The following NSD2 variants were observed in gnomAD, a reference collection of about 807,000 sequenced individuals.
NSD2 encodes nuclear receptor binding SET domain protein 2.
A neutral mutation model predicts 139.0 loss-of-function variants in NSD2; 12 were observed. The ratio of observed to expected loss-of-function variants is 0.09; its 90% CI spans 0.06 to 0.14. The LOEUF (loss-of-function observed/expected upper bound fraction) is 0.14. Ranked by LOEUF, NSD2 falls within the 10% of genes least tolerant of loss-of-function variation. The pLI is 1.00. For synonymous variants in NSD2, 669 were observed against 648.7 expected (o/e 1.03, Z -0.48); for missense variants, 1,155 against 1,745.0 (o/e 0.66, Z 6.02).
chr4:1,917,908 GT>G (rs1325457626), intron 4 of NSD2, among the ~76,000 whole-genome samples: 1 of 150,458 alleles, frequency 6.6e-6, no homozygotes, highest in Non-Finnish European at 1.5e-5. Context: ...AGCCTCCCTA[GT>G]AGCTGGGACC....
At chr4:1,944,078 C>T (rs1723376422) in intron 9 of NSD2, 3 of 1,066,166 alleles carry the variant, frequency 2.8e-6, no homozygotes, top group Non-Finnish European at 3.4e-6. Context: ...GATAGTGTAT[C>T]TCAGCGGGGG....
At chr4:1,921,391 G>A (rs971456855) in intron 5 of NSD2, among the ~76,000 whole-genome samples, 1 of 152,172 alleles carries the variant, frequency 6.6e-6, no homozygotes, top group African/African-American at 2.4e-5. Context: ...CCCAAGAGGT[G>A]GAGGTTGCAG....
intron 18 of NSD2, among the ~76,000 whole-genome samples, chr4:1,971,801 A>G (rs955609949): frequency 6.6e-6 from 1 of 152,218 alleles, no homozygotes; most frequent in Admixed American, 6.5e-5. Context: ...GTAAAGGAGG[A>G]AAACAAATCC....
chr4:1,893,245 A>G (rs977944230), intron 1 of NSD2, among the ~76,000 whole-genome samples: 8 of 152,182 alleles, frequency 5.3e-5, no homozygotes, highest in South Asian at 2.1e-4. Flanking sequence ...AGACGGGTAG[A>G]TCACCTGAGG....
At chr4:1,978,536 G>A (rs1370228638) in intron 21 of NSD2, 102 bp from the exon 22 acceptor site, 3 of 1,483,744 alleles carry the variant, frequency 2.0e-6, no homozygotes, top group African/African-American at 1.4e-5. Context: ...GCACTATTTT[G>A]TGTTCATTTG....
At chr4:1,975,194 A>G in intron 19 of NSD2, 100 bp from the exon 20 acceptor site, 1 of 1,424,716 alleles carries the variant, frequency 7.0e-7, no homozygotes, top group Non-Finnish European at 9.8e-7. Flanking sequence ...TACAGATACA[A>G]AAATAATAAG....
At chr4:1,895,070 A>G (rs1716079419) in intron 1 of NSD2, among the ~76,000 whole-genome samples, 7 of 152,186 alleles carry the variant, frequency 4.6e-5, no homozygotes, top group Admixed American at 6.5e-5. Context: ...TTCACTTAGC[A>G]TAGTTTCTTC....
rs941259038 is a variant in NSD2, at chr4:1,956,405, T to C, written c.2881+217T>C. ...TAACATTGGTTTGTGATTAATTTCA[T>C]TAAAATTCTGTAAACCTATTATTCA... On this transcript the variant is annotated intron_variant, in intron 15 of 21. Coordinates refer to ENST00000508803, the MANE Select transcript of NSD2 (RefSeq NM_001042424.3). This position sits in a 1 kb window ranked among gnomAD's most constrained non-coding sequence, Gnocchi z 5.3. Among the ~76,000 whole-genome samples the C allele has an allele frequency of 3.2e-4, 48 of 152,254 alleles. No individual in the cohort carries two copies. Among genetic ancestry groups the C allele is most frequent in the African/African-American group, 1.1e-3 (46 of 41,466 alleles).
In NSD2 at chr4:1,980,035, GA is replaced by G. The variant is rs1333677454; in HGVS notation, c.*1127del. The G allele has an allele frequency of 8.6e-6, 2 of 232,966 alleles. No homozygotes were observed. Among genetic ancestry groups the G allele is most frequent in the Non-Finnish European group, 1.7e-5 (2 of 117,928 alleles). 14.4% of individuals were successfully genotyped at this position (232,966 alleles called of 1,614,324 possible). On this transcript the variant is annotated 3_prime_UTR_variant, in exon 22 of 22. Transcript: ENST00000508803. ...GCACTCTGTGGGTCTGGTGATGGAA[GA>G]TGCAGTCTCTGCTGATCACATGTGC...
At position 1,976,390 on chromosome 4, in the gene NSD2, C is replaced by A; in HGVS notation, c.3622-85C>A. 1 of 1,452,718 alleles carries A rather than the reference C, an allele frequency of 6.9e-7. No individual in the cohort carries two copies. The highest frequency in any genetic ancestry group is 9.4e-7 in the Non-Finnish European group (1 of 1,063,538). The allele number at this position is 1,452,718 out of a possible 1,614,324, so 90.0% of individuals were successfully genotyped here. A position where few individuals can be genotyped will look rare whatever the true frequency, so the allele number is the denominator to read the frequency against. On this transcript the variant is annotated intron_variant, in intron 20 of 21. Coordinates refer to ENST00000508803, the MANE Select transcript of NSD2 (RefSeq NM_001042424.3). This position sits in a 1 kb window ranked among gnomAD's most constrained non-coding sequence, Gnocchi z 5.3. The stretch of plus-strand genomic sequence containing the variant: ...GGCACCTGCAGAGATCTCTGAAGTT[C>A]CTGGAGTGTAGCTCGCTCTTCTGCC...
chr4:1,955,118 A>C lies in NSD2; in HGVS notation c.2339-43A>C. The C allele has an allele frequency of 6.4e-7, 1 of 1,559,492 alleles. No homozygotes were observed. Among genetic ancestry groups the C allele is most frequent in the Non-Finnish European group, 8.8e-7 (1 of 1,140,210 alleles). On this transcript the variant is annotated intron_variant, in intron 12 of 21. Transcript: ENST00000508803. This position sits in a 1 kb window ranked among gnomAD's most constrained non-coding sequence, Gnocchi z 4.7. Reference sequence around the variant, plus strand: ...TAGTTGCTCTTTTCACTATGACTGGAGTCAGTGTTTGGGGTCCTTAGGGTG... The same window carrying C: ...TAGTTGCTCTTTTCACTATGACTGGCGTCAGTGTTTGGGGTCCTTAGGGTG...
intron 1 of NSD2, among the ~76,000 whole-genome samples, chr4:1,872,116 A>C (rs1713827790): frequency 6.6e-6 from 1 of 151,100 alleles, no homozygotes. Flanking sequence ...TGGCGTTGAC[A>C]CTCGCGGCGC....
Position 1,979,384 on chromosome 4 carries a change from T to C in NSD2, c.*475T>C, listed in dbSNP as rs1002971390. The C allele has an allele frequency of 3.4e-5, 8 of 235,658 alleles. No individual in the cohort carries two copies. Among genetic ancestry groups the C allele is most frequent in the African/African-American group, 1.8e-4 (8 of 45,442 alleles). The allele number at this position is 235,658 out of a possible 1,614,324, so 14.6% of individuals were successfully genotyped here. A position where few individuals can be genotyped will look rare whatever the true frequency, so the allele number is the denominator to read the frequency against. On this transcript the variant is annotated 3_prime_UTR_variant, in exon 22 of 22. Transcript: ENST00000508803. ...GGCCCGTGTGAGGACTGACCCTGGA[T>C]TCCTCGAAACTGCCATTGTGATCAT...
chr4:1,930,783 T>C lies in NSD2; in HGVS notation c.1555+13T>C. 6.2e-7 allele frequency: 1 copy of C among 1,610,770 alleles called. No individual in the cohort carries two copies. Among genetic ancestry groups the C allele is most frequent in the East Asian group, 2.2e-5 (1 of 44,774 alleles). On this transcript the variant is annotated intron_variant, in intron 6 of 21. Transcript: ENST00000508803. Reference sequence around the variant, plus strand: ...GAAGAAGACTCTGGTAAACATAGCATTATGCTGATGTCCTCTGCTTGGGTT... The same window carrying C: ...GAAGAAGACTCTGGTAAACATAGCACTATGCTGATGTCCTCTGCTTGGGTT...
chr4:1,908,580 G>A lies in NSD2; in HGVS notation c.760+4202G>A, dbSNP rs186772846. ...AATCTTAAAAGAAAAGGGGTCAAAG[G>A]AAGTGAGCAGAACAAAGAGAAGTGA... is the stretch of plus-strand genomic sequence containing the variant. On this transcript the variant is annotated intron_variant, in intron 3 of 21. Transcript: ENST00000508803. Among the ~76,000 whole-genome samples, 9 of 152,304 alleles carry A rather than the reference G, an allele frequency of 5.9e-5. No individual in the cohort carries two copies. In the East Asian group the frequency reaches 1.5e-3, roughly 26 times the overall value.
Position 1,917,441 on chromosome 4 carries a change from T to A in NSD2, c.927+404T>A, listed in dbSNP as rs139881993. Among the ~76,000 whole-genome samples, 118 of 152,362 alleles carry A rather than the reference T, an allele frequency of 7.7e-4. No individual in the cohort carries two copies. In the East Asian group the frequency reaches 0.019, roughly 24 times the overall value. On this transcript the variant is annotated intron_variant, in intron 4 of 21. Coordinates refer to ENST00000508803, the MANE Select transcript of NSD2 (RefSeq NM_001042424.3). ...AAAAGTTTTTATTTCTATTATTTTT[T>A]AAAATTTTTTTGAGATGGAGTTTCA...
Position 1,952,700 on chromosome 4 carries a change from G to A in NSD2, c.2137+469G>A, listed in dbSNP as rs1014021179. ...GTTTCAACAGAAAGAACAGCTCCAGGCTTGTCCTGGGTTGTCAGTGCTGTT... is the reference window on the plus strand; with the variant it reads ...GTTTCAACAGAAAGAACAGCTCCAGACTTGTCCTGGGTTGTCAGTGCTGTT... On this transcript the variant is annotated intron_variant, in intron 11 of 21. Transcript: ENST00000508803. 2.8e-6 allele frequency: 3 copies of A among 1,068,438 alleles called. No homozygotes were observed. In the Admixed American group the frequency reaches 1.4e-4, roughly 51 times the overall value. 66.2% of individuals were successfully genotyped at this position (1,068,438 alleles called of 1,614,324 possible). A position where few individuals can be genotyped will look rare whatever the true frequency, so the allele number is the denominator to read the frequency against.
chr4:1,927,807 G>A (rs1721136965), intron 5 of NSD2, among the ~76,000 whole-genome samples: 2 of 144,628 alleles, frequency 1.4e-5, no homozygotes, highest in South Asian at 4.6e-4. Flanking sequence ...ACTCTAATTT[G>A]TAGAGTCTCC....
intron 9 of NSD2, chr4:1,944,649 G>A (rs1723434824): frequency 9.4e-7 from 1 of 1,063,306 alleles, no homozygotes; most frequent in Non-Finnish European, 1.1e-6. Flanking sequence ...CATTGTAATA[G>A]GGTGGCATCT....
Sources: allele counts gnomAD v4.1 joint callset (sites outside exome capture counted in the v4.1 genomes callset), GRCh38; gene constraint gnomAD v4.1.1; non-coding constraint Gnocchi (gnomAD v3.1); transcripts MANE v1.5; gene names NCBI Gene and HGNC (gene_info 2026-07-23, HGNC 2026-07-21).